The following CASP4 variants were observed in gnomAD, a reference collection of about 807,000 sequenced individuals.
CASP4 encodes the protein caspase-4.
In CASP4, 29 loss-of-function variants were observed where a neutral mutation model predicts 41.3. That is an observed-to-expected ratio of 0.70 (90% CI 0.52 to 0.96). The LOEUF (loss-of-function observed/expected upper bound fraction) is 0.96, where lower values mean the gene tolerates loss of function less well. Among genes scored for constraint, CASP4 ranks in the 40% least tolerant of loss-of-function variants. The pLI, the probability that CASP4 is intolerant of heterozygous loss-of-function variation, is 0.00. For synonymous variants in CASP4, 185 were observed against 158.4 expected, an observed-to-expected ratio of 1.17 and a Z score of -1.26; for missense variants, 447 against 460.6, an observed-to-expected ratio of 0.97 and a Z score of 0.27.
intron 6 of CASP4, 92 bp from the exon 7 acceptor site, chr11:104,947,284 G>C (rs1399260951): frequency 4.2e-6 from 3 of 718,362 alleles, no homozygotes; most frequent in Non-Finnish European, 6.9e-6. Flanking sequence ...AAAAAGAAAA[G>C]CATAGCTTGG....
At chr11:104,943,045 A>T in intron 8 of CASP4, 72 bp from the exon 9 acceptor site, 1 of 447,270 alleles carries the variant, frequency 2.2e-6, no homozygotes, top group South Asian at 1.6e-5. Flanking sequence ...CCTCATCATG[A>T]TTCTTCTTGC....
chr11:104,954,695 T>G, intron 2 of CASP4, 52 bp downstream of exon 2: 1 of 1,556,552 alleles, frequency 6.4e-7, no homozygotes, highest in Non-Finnish European at 8.8e-7. Context: ...GCCTTGGAGT[T>G]AAACAGATTT....
At chr11:104,952,525 C>T (rs1266301914) in intron 2 of CASP4, among the ~76,000 whole-genome samples, 1 of 151,962 alleles carries the variant, frequency 6.6e-6, no homozygotes. Flanking sequence ...ATTATTTTAA[C>T]ATGTATTTTT....
Position 104,949,734 on chromosome 11 carries a change from T to A in CASP4, c.590A>T (p.His197Leu), listed in dbSNP as rs1277285508. ...ALRAFATRPE[H>L]KSSDSTFLVL... ...CAAGAATGTGCTGTCAGAGGACTTGTGCTCTGGTCTGGTAGCAAATGCCCT... is the reference window on the plus strand; with the variant it reads ...CAAGAATGTGCTGTCAGAGGACTTGAGCTCTGGTCTGGTAGCAAATGCCCT... Residue 197 changes from histidine to leucine, a missense_variant, in exon 5 of 9, where the codon CAC (histidine) becomes CTC (leucine). By Grantham distance (99) the His-to-Leu change is moderately conservative (BLOSUM62 -3). Transcript: ENST00000444739. The A allele has an allele frequency of 2.5e-6, 4 of 1,613,930 alleles. No individual in the cohort carries two copies. In the Admixed American group the frequency reaches 5.0e-5, roughly 20 times the overall value.
chr11:104,958,356 G>A (rs571167289), intron 1 of CASP4, among the ~76,000 whole-genome samples: 98 of 152,164 alleles, frequency 6.4e-4, no homozygotes, highest in Non-Finnish European at 1.2e-3. Flanking sequence ...TCAACAGTAT[G>A]GTAGAGAAGA....
At chr11:104,960,273 G>A (rs1022622003) in intron 1 of CASP4, among the ~76,000 whole-genome samples, 11 of 151,928 alleles carry the variant, frequency 7.2e-5, no homozygotes, top group African/African-American at 2.4e-4. Flanking sequence ...CAGCACCCCC[G>A]CTTCTAATTT....
rs1413091313 is a variant in CASP4 at position 104,950,224 on chromosome 11, T to C, written c.547-447A>G. Among the ~76,000 whole-genome samples the C allele has an allele frequency of 2.0e-5, 3 of 152,002 alleles. No individual in the cohort carries two copies. The East Asian group carries it at 5.8e-4, about 29-fold the overall frequency. On this transcript the variant is annotated intron_variant, in intron 4 of 8. Transcript: ENST00000444739. The stretch of plus-strand genomic sequence containing the variant: ...TCTAGTCACACTGGTCTTCTCTTTG[T>C]GCTTCTCGTGTGCCAGGTTCATTTT...
At chr11:104,943,682 C>G (rs556399815) in intron 8 of CASP4, 1 of 152,230 alleles carries the variant, frequency 6.6e-6, no homozygotes, top group South Asian at 2.1e-4. Context: ...TTGGCATATT[C>G]CAAGCATCTA....
rs536340503 is a variant in CASP4 at position 104,954,800 on chromosome 11, T to A, written c.209A>T (p.Gln70Leu). ...SMQEKQRMAGQMLLQTFFNID... is the reference protein window; with the variant it reads ...SMQEKQRMAGLMLLQTFFNID... ...GTTAAAAAAGGTTTGAAGAAGCATT[T>A]GTCCTGCCATACGTTGCTTCTCTTG... is the stretch of plus-strand genomic sequence containing the variant. The change falls in exon 2 of 9, where the codon CAA (glutamine) becomes CTA (leucine). Residue 70 changes from glutamine (Q) to leucine (L), a missense_variant. Transcript: ENST00000444739. 1 of 1,613,722 alleles carries A rather than the reference T, an allele frequency of 6.2e-7. No individual in the cohort carries two copies. Among genetic ancestry groups the A allele is most frequent in the African/African-American group, 1.3e-5 (1 of 75,018 alleles).
chr11:104,951,750 C>G, intron 3 of CASP4, 146 bp downstream of exon 3: 3 of 691,898 alleles, frequency 4.3e-6, no homozygotes, highest in Non-Finnish European at 5.3e-6. Context: ...TGTGAAGTCA[C>G]ATAATCTTTC....
At chr11:104,967,299 A>G (rs1019543466) in intron 1 of CASP4, among the ~76,000 whole-genome samples, 1 of 152,198 alleles carries the variant, frequency 6.6e-6, no homozygotes, top group Non-Finnish European at 1.5e-5. Flanking sequence ...TTAGACATAA[A>G]CCCCGGAGAG....
At chr11:104,963,855 A>G (rs1860915259) in intron 1 of CASP4, among the ~76,000 whole-genome samples, 1 of 152,024 alleles carries the variant, frequency 6.6e-6, no homozygotes, top group Non-Finnish European at 1.5e-5. Flanking sequence ...CATTTTGGAG[A>G]TCTGTCTTTG....
At chr11:104,949,496 TCTG>T (rs2134637687) in intron 5 of CASP4, 44 bp downstream of exon 5, 1 of 1,586,598 alleles carries the variant, frequency 6.3e-7, no homozygotes, top group East Asian at 2.2e-5. Context: ...ATCACAATCC[TCTG>T]CATACACCTT....
chr11:104,958,070 T>G (rs1198728441), intron 1 of CASP4, among the ~76,000 whole-genome samples: 1 of 152,118 alleles, frequency 6.6e-6, no homozygotes, highest in Non-Finnish European at 1.5e-5. Flanking sequence ...TAAATGATAT[T>G]GGGAAAATTG....
Position 104,954,816 on chromosome 11 carries a change from G to T in CASP4, c.193C>A (p.Gln65Lys), listed in dbSNP as rs1186789310. The T allele has an allele frequency of 1.9e-6, 3 of 1,613,612 alleles. No individual in the cohort carries two copies. Among genetic ancestry groups the T allele is most frequent in the Non-Finnish European group, 2.5e-6 (3 of 1,179,632 alleles). The change falls in exon 2 of 9, where the codon CAA becomes AAA. Residue 65 changes from glutamine to lysine, a missense_variant. Gln to Lys is a moderately conservative substitution (Grantham distance 53, BLOSUM62 1). Transcript: ENST00000444739. ...AGAAGCATTTGTCCTGCCATACGTT[G>T]CTTCTCTTGCATAGAGTCTGCCATG... ...RVMADSMQEK[Q>K]RMAGQMLLQT...
intron 8 of CASP4, chr11:104,943,775 AT>A (rs1358192357): frequency 2.0e-5 from 3 of 152,226 alleles, no homozygotes; most frequent in Non-Finnish European, 4.4e-5. Context: ...CACTGGATGG[AT>A]TAGGCACTGA....
At chr11:104,946,831 C>A in intron 7 of CASP4, 1 of 254,698 alleles carries the variant, frequency 3.9e-6, no homozygotes, top group South Asian at 1.1e-4. Context: ...ATTTTTCCTT[C>A]TCTAAAACTT....
chr11:104,950,754 C>G (rs192982787), intron 4 of CASP4, among the ~76,000 whole-genome samples, 171 bp downstream of exon 4: 1 of 150,120 alleles, frequency 6.7e-6, no homozygotes, highest in African/African-American at 2.4e-5. Flanking sequence ...ATTTGGAGGA[C>G]CAAAGAGACA....
intron 7 of CASP4, among the ~76,000 whole-genome samples, chr11:104,946,287 G>A (rs1229310614): frequency 6.6e-6 from 1 of 152,058 alleles, no homozygotes; most frequent in Non-Finnish European, 1.5e-5. Context: ...AAACAAGAGG[G>A]TGCATTTATC....
Sources: gnomAD v4.1 joint callset for allele counts (sites outside exome capture counted in the v4.1 genomes callset) on GRCh38, gnomAD v4.1.1 for gene constraint, MANE v1.5 for transcripts, NCBI Gene and HGNC (gene_info 2026-07-23, HGNC 2026-07-21) for gene names.